Variants in TASP1 observed in about 807,000 individuals in gnomAD.
The protein encoded by TASP1 is threonine aspartase 1.
Under a neutral mutation model 56.6 loss-of-function variants are expected in TASP1, and 16 were observed. The observed-to-expected ratio is 0.28, with a 90% CI of 0.19 to 0.43. The LOEUF (loss-of-function observed/expected upper bound fraction) is 0.43, where lower values mean the gene tolerates loss of function less well. Ranked by LOEUF, TASP1 falls within the 20% of genes least tolerant of loss-of-function variation. The pLI is 1.00. For missense variants in TASP1, 393 were observed against 511.6 expected (o/e 0.77, Z 2.24); for synonymous variants, 179 against 184.2 (o/e 0.97, Z 0.23).
At chr20:13,476,676 A>G (rs2042961013) in intron 11 of TASP1, among the ~76,000 whole-genome samples, 1 of 152,176 alleles carries the variant, frequency 6.6e-6, no homozygotes, top group African/African-American at 2.4e-5. Flanking sequence ...CTGTCAATGA[A>G]TAATTGTTAA....
the TASP1 span, among the ~76,000 whole-genome samples, chr20:13,289,631 AGAG>A: frequency 4.0e-3 from 612 of 152,024 alleles, 2 homozygotes; most frequent in African/African-American, 0.012. Context: ...AGGAGGAAGA[AGAG>A]AAGGGGAAGG....
the TASP1 span, among the ~76,000 whole-genome samples, chr20:13,297,610 T>G: frequency 6.6e-6 from 1 of 152,210 alleles, no homozygotes; most frequent in Non-Finnish European, 1.5e-5. Context: ...GTAGGAGCTG[T>G]GCTGAGCTGG....
At chr20:13,435,376 G>GT (rs1319087969) in intron 11 of TASP1, among the ~76,000 whole-genome samples, 4 of 152,160 alleles carry the variant, frequency 2.6e-5, no homozygotes, top group African/African-American at 9.7e-5. Context: ...TCAAGAAGAT[G>GT]TAAGTGGGGG....
the TASP1 span, among the ~76,000 whole-genome samples, chr20:13,119,374 C>T: frequency 6.6e-6 from 1 of 152,170 alleles, no homozygotes; most frequent in Non-Finnish European, 1.5e-5. Context: ...AAGTAAACAC[C>T]AGTTCACCAT....
At chr20:13,506,896 AAG>A (rs139867876) in intron 10 of TASP1, among the ~76,000 whole-genome samples, 6,121 of 150,806 alleles carry the variant, frequency 0.041, 394 homozygotes, top group African/African-American at 0.14. Flanking sequence ...AAAAAAACAA[AAG>A]AGAGAGAATT....
chr20:13,136,684 G>C, the TASP1 span, among the ~76,000 whole-genome samples: 1 of 145,372 alleles, frequency 6.9e-6, no homozygotes, highest in Non-Finnish European at 1.5e-5. Flanking sequence ...TACTTATATA[G>C]TATATAAATA....
At position 13,433,520 on chromosome 20, in the gene TASP1, C is replaced by CAAAAAAAA. The variant is rs74746255; in HGVS notation, c.1096+1516_1096+1523dup. On this transcript the variant is annotated intron_variant, in intron 12 of 13. Coordinates refer to ENST00000337743, the MANE Select transcript of TASP1 (RefSeq NM_017714.3). ...CAGAGGGTAGAAGGAGACAGTATGG[C>CAAAAAAAA]AAAAAAAAAAAAAAAAAAAAATACA... Among the ~76,000 whole-genome samples the CAAAAAAAA allele has an allele frequency of 2.4e-3, 215 of 89,180 alleles. 7 individuals are homozygous for CAAAAAAAA. Among genetic ancestry groups the CAAAAAAAA allele is most frequent in the African/African-American group, 9.5e-3 (199 of 20,958 alleles). 58.5% of individuals were successfully genotyped at this position (89,180 alleles called of 152,430 possible). A position where few individuals can be genotyped will look rare whatever the true frequency, so the allele number is the denominator to read the frequency against.
At chr20:13,317,021 AT>A in the TASP1 span, among the ~76,000 whole-genome samples, 1 of 151,992 alleles carries the variant, frequency 6.6e-6, no homozygotes, top group Admixed American at 6.6e-5. Context: ...CATGGATGAC[AT>A]GATTTTCTAT....
the TASP1 span, among the ~76,000 whole-genome samples, chr20:13,341,851 C>T: frequency 6.6e-6 from 1 of 152,202 alleles, no homozygotes; most frequent in Non-Finnish European, 1.5e-5. Flanking sequence ...GCCACAATCA[C>T]ACATCTGGTA....
At chr20:13,293,988 AG>A in the TASP1 span, among the ~76,000 whole-genome samples, 1 of 152,070 alleles carries the variant, frequency 6.6e-6, no homozygotes, top group Non-Finnish European at 1.5e-5. Flanking sequence ...AAAAAAAGAA[AG>A]AAAAAGAAAA....
chr20:13,508,847 A>T (rs1268920039), intron 10 of TASP1, among the ~76,000 whole-genome samples: 1 of 152,146 alleles, frequency 6.6e-6, no homozygotes, highest in African/African-American at 2.4e-5. Flanking sequence ...AAAAGTGTTG[A>T]CAAGGATGTG....
chr20:13,340,235 A>C, the TASP1 span, among the ~76,000 whole-genome samples: 1 of 152,186 alleles, frequency 6.6e-6, no homozygotes, highest in Admixed American at 6.5e-5. Flanking sequence ...ACCATGAGAC[A>C]GTTAGCCAGC....
At chr20:13,369,917 T>C in the TASP1 span, among the ~76,000 whole-genome samples, 2 of 152,196 alleles carry the variant, frequency 1.3e-5, no homozygotes, top group African/African-American at 4.8e-5. Context: ...GGGCATTATA[T>C]ATAAAACAAA....
At chr20:13,231,386 A>C in the TASP1 span, among the ~76,000 whole-genome samples, 1 of 152,236 alleles carries the variant, frequency 6.6e-6, no homozygotes, top group African/African-American at 2.4e-5. Context: ...GGTCACGCCT[A>C]GGCAAAGCCT....
intron 4 of TASP1, among the ~76,000 whole-genome samples, chr20:13,619,144 C>T (rs1223927696): frequency 2.6e-5 from 4 of 152,018 alleles, no homozygotes; most frequent in South Asian, 2.1e-4. Context: ...AAGATCCGTC[C>T]ACTTCGGCCT....
the TASP1 span, among the ~76,000 whole-genome samples, chr20:13,325,336 C>A: frequency 6.6e-6 from 1 of 152,206 alleles, no homozygotes; most frequent in Non-Finnish European, 1.5e-5. Flanking sequence ...ACGTGCCAAC[C>A]TCGTGCTTAA....
At chr20:13,273,215 T>TTTTATTTTATTTTA in the TASP1 span, among the ~76,000 whole-genome samples, 63 of 130,704 alleles carry the variant, frequency 4.8e-4, no homozygotes, top group African/African-American at 1.8e-3. Flanking sequence ...ACTTGGGTCT[T>TTTTATTTTATTTTA]TTTTATTTTA....
chr20:13,157,367 G>A, the TASP1 span, among the ~76,000 whole-genome samples: 4 of 152,034 alleles, frequency 2.6e-5, no homozygotes, highest in African/African-American at 4.8e-5. Context: ...AACCCGGGAG[G>A]TGGAGGTTGC....
rs77901290 is a variant in TASP1 at position 13,465,363 on chromosome 20, T to C, written c.985+17864A>G. Among the ~76,000 whole-genome samples, 1,188 of 152,002 alleles carry C rather than the reference T, an allele frequency of 7.8e-3. 18 individuals carry two copies. Among genetic ancestry groups the C allele is most frequent in the African/African-American group, 0.027 (1,127 of 41,464 alleles). On this transcript the variant is annotated intron_variant, in intron 11 of 13. Transcript: ENST00000337743. The stretch of plus-strand genomic sequence containing the variant: ...AAACCTAGCAAAGATGTGGAGAAAC[T>C]GAATCACTCGTACCTTGCTACTGGG...
Sources: gnomAD v4.1 joint callset for allele counts (sites outside exome capture counted in the v4.1 genomes callset) on GRCh38, gnomAD v4.1.1 for gene constraint, MANE v1.5 for transcripts, NCBI Gene and HGNC (gene_info 2026-07-23, HGNC 2026-07-21) for gene names.